The following KIF18A variants were observed in gnomAD, a reference collection of about 807,000 sequenced individuals.
KIF18A encodes kinesin-like protein KIF18A.
A neutral mutation model predicts 103.3 loss-of-function variants in KIF18A; 67 were observed. That is an observed-to-expected ratio of 0.65 (90% confidence interval 0.53 to 0.79). KIF18A has a LOEUF of 0.79. Ranked by LOEUF, KIF18A falls within the 30% of genes least tolerant of loss-of-function variation. The probability of loss-of-function intolerance (pLI) is 0.00; values close to 1 mark genes in which losing one functional copy is unlikely to be tolerated. For missense variants in KIF18A, 1,032 were observed against 1,062.5 expected (o/e 0.97, Z 0.40); for synonymous variants, 367 against 355.5 (o/e 1.03, Z -0.36).
intron 15 of KIF18A, among the ~76,000 whole-genome samples, chr11:28,024,206 A>AAAG (rs2133481765): frequency 6.6e-6 from 1 of 151,442 alleles, no homozygotes; most frequent in East Asian, 1.9e-4. Flanking sequence ...AAAAAAAAAA[A>AAAG]AAAAACTAAG....
In KIF18A at chr11:28,023,742, C is replaced by G; in HGVS notation, c.2613G>C (p.Met871Ile). The change falls in exon 16 of 17, where the codon ATG becomes ATC. Residue 871 changes from methionine (M) to isoleucine (I), a missense_variant and splice_region_variant. Met to Ile is a conservative substitution (Grantham distance 10). Transcript: ENST00000263181. ...ATCAAATTAAAAGCTGAGACATACC[C>G]ATTGTTGGTTTGTTTTCTTGTAAGT... ...EKHLQENKPT[M>I]EHKRNICKIN... The G allele has an allele frequency of 1.3e-6, 2 of 1,546,778 alleles. No individual in the cohort carries two copies. The highest frequency in any genetic ancestry group is 1.8e-6 in the Non-Finnish European group (2 of 1,119,194).
At chr11:28,024,742 C>G (rs888781859) in intron 15 of KIF18A, among the ~76,000 whole-genome samples, 9 of 151,850 alleles carry the variant, frequency 5.9e-5, no homozygotes, top group Non-Finnish European at 1.3e-4. Context: ...TAAAGAGGAT[C>G]AATTTTTAAC....
At chr11:28,096,620 C>T (rs1851378616) in intron 2 of KIF18A, among the ~76,000 whole-genome samples, 1 of 152,024 alleles carries the variant, frequency 6.6e-6, no homozygotes, top group Non-Finnish European at 1.5e-5. Context: ...AAAAGAATAT[C>T]TTCTTAAAAA....
At chr11:28,027,449 G>A (rs1316037231) in intron 15 of KIF18A, among the ~76,000 whole-genome samples, 2 of 150,826 alleles carry the variant, frequency 1.3e-5, no homozygotes, top group Non-Finnish European at 3.0e-5. Context: ...ATGGTTTAAT[G>A]TCTTTTGTTA....
chr11:28,084,731 T>G lies in KIF18A; in HGVS notation c.975A>C (p.Gln325His). 1 of 1,612,116 alleles carries G rather than the reference T, an allele frequency of 6.2e-7. No individual in the cohort carries two copies. Among genetic ancestry groups the G allele is most frequent in the Non-Finnish European group, 8.5e-7 (1 of 1,178,200 alleles). The change falls in exon 7 of 17, where the codon CAA becomes CAC. Residue 325 changes from glutamine to histidine, a missense_variant. Coordinates refer to ENST00000263181, the MANE Select transcript of KIF18A (RefSeq NM_031217.4). ...LLKDSLGGNC[Q>H]TIMIAAVSPS... ...GACTAACAGCAGCTATCATTATAGT[T>G]TGACAGTTTCCTCCAAGAGAATCCT...
At chr11:28,032,980 T>C (rs1187278279) in intron 15 of KIF18A, among the ~76,000 whole-genome samples, 1 of 151,858 alleles carries the variant, frequency 6.6e-6, no homozygotes, top group East Asian at 1.9e-4. Flanking sequence ...AAGGGATTAA[T>C]AACCATAATA....
At chr11:28,052,318 A>G (rs1165879904) in intron 13 of KIF18A, among the ~76,000 whole-genome samples, 1 of 152,054 alleles carries the variant, frequency 6.6e-6, no homozygotes, top group African/African-American at 2.4e-5. Flanking sequence ...AAGACTAATT[A>G]AGTCCTGATA....
At chr11:28,081,773 T>A (rs1427854158) in intron 9 of KIF18A, among the ~76,000 whole-genome samples, 2 of 152,156 alleles carry the variant, frequency 1.3e-5, no homozygotes, top group Non-Finnish European at 2.9e-5. Flanking sequence ...ATAGATACTT[T>A]CTTTCATGGA....
Position 28,059,134 on chromosome 11 carries a change from T to C in KIF18A, c.1740A>G (p.Leu580=), listed in dbSNP as rs1447968136. 1.2e-6 allele frequency: 2 copies of C among 1,613,744 alleles called. No individual in the cohort carries two copies. Among genetic ancestry groups the C allele is most frequent in the Non-Finnish European group, 1.7e-6 (2 of 1,179,806 alleles). Residue 580 remains leucine (L), a synonymous_variant, in exon 13 of 17, where the codon CTA becomes CTG. Coordinates refer to ENST00000263181, the MANE Select transcript of KIF18A (RefSeq NM_031217.4). ...CTTTTAATGTGCAATATTGTTTTCT[T>C]AGGGTTGGAAGTAAAGCATTCAATA... ...EAVLNALLPT[L]RKQYCTLKEA...
chr11:28,054,911 GTCTGTGCAATTA>G (rs1203494268), intron 13 of KIF18A, among the ~76,000 whole-genome samples: 1 of 152,160 alleles, frequency 6.6e-6, no homozygotes, highest in Non-Finnish European at 1.5e-5. Flanking sequence ...GACAAGTATA[GTCTGTGCAATTA>G]TACTGTATGT....
rs1851347041 is a variant in KIF18A at position 28,094,730 on chromosome 11, C to A, written c.396G>T (p.Val132=). The change falls in exon 3 of 17, where the codon GTG becomes GTT. Residue 132 remains valine (V), a synonymous_variant. Coordinates refer to ENST00000263181, the MANE Select transcript of KIF18A (RefSeq NM_031217.4). ...AAAGGTGTAACATTGTTAGATACAT[C>A]ACTCCAGGTTCATCAGCTGATCCTA... ...TMLGSADEPG[V]MYLTMLHLYK... 2 of 1,613,508 alleles carry A rather than the reference C, an allele frequency of 1.2e-6. No individual in the cohort carries two copies. Among genetic ancestry groups the A allele is most frequent in the Non-Finnish European group, 8.5e-7 (1 of 1,179,472 alleles).
Position 28,023,754 on chromosome 11 carries a change from G to C in KIF18A, c.2601C>G (p.Asn867Lys). Reference sequence around the variant, plus strand: ...GCTGAGACATACCCATTGTTGGTTTGTTTTCTTGTAAGTGCTTCTCACTTG... The same window carrying C: ...GCTGAGACATACCCATTGTTGGTTTCTTTTCTTGTAAGTGCTTCTCACTTG... ...DNSSEKHLQE[N>K]KPTMEHKRNI... Residue 867 changes from asparagine to lysine, a missense_variant, in exon 16 of 17, where the codon AAC (asparagine) becomes AAG (lysine). By Grantham distance (94) the Asn-to-Lys change is moderately conservative. Coordinates refer to ENST00000263181, the MANE Select transcript of KIF18A (RefSeq NM_031217.4). The C allele has an allele frequency of 6.2e-7, 1 of 1,603,752 alleles. No individual in the cohort carries two copies. The highest frequency in any genetic ancestry group is 8.5e-7 in the Non-Finnish European group (1 of 1,171,172).
intron 13 of KIF18A, among the ~76,000 whole-genome samples, chr11:28,048,237 C>T (rs563189697): frequency 6.6e-6 from 1 of 152,192 alleles, no homozygotes; most frequent in African/African-American, 2.4e-5. Context: ...AGTATACATA[C>T]TGTTTGATTA....
At position 28,021,506 on chromosome 11, in the gene KIF18A, C is replaced by T. The variant is rs529302059; in HGVS notation, c.2615-224G>A. Among the ~76,000 whole-genome samples, 10 of 152,242 alleles carry T rather than the reference C, an allele frequency of 6.6e-5. No individual in the cohort carries two copies. The South Asian group carries it at 1.9e-3, about 28-fold the overall frequency. ...TTGCAAACTAAAGTTTCAGTGAGTG[C>T]GTGCACATACACAGACATCGGGTGA... On this transcript the variant is annotated intron_variant, in intron 16 of 16. Coordinates refer to ENST00000263181, the MANE Select transcript of KIF18A (RefSeq NM_031217.4).
intron 13 of KIF18A, among the ~76,000 whole-genome samples, chr11:28,049,841 C>T (rs940930265): frequency 2.0e-5 from 3 of 151,832 alleles, no homozygotes; most frequent in African/African-American, 7.2e-5. Flanking sequence ...TTCATAGTTG[C>T]AAATGATACA....
intron 1 of KIF18A, among the ~76,000 whole-genome samples, chr11:28,107,704 C>T (rs2133575571): frequency 6.6e-6 from 1 of 152,304 alleles, no homozygotes; most frequent in Non-Finnish European, 1.5e-5. Flanking sequence ...ACAAAACACT[C>T]CCAATTTGGA....
chr11:28,040,538 G>C (rs555608006), intron 13 of KIF18A, among the ~76,000 whole-genome samples: 2 of 151,878 alleles, frequency 1.3e-5, no homozygotes, highest in African/African-American at 2.4e-5. Context: ...AAAGTTGCAG[G>C]CTGTGCCTTG....
rs1850229627 is a variant in KIF18A, at chr11:28,020,871, C to G, written c.*329G>C. On this transcript the variant is annotated 3_prime_UTR_variant, in exon 17 of 17. Transcript: ENST00000263181. ...TTAAAAAATAATAAAGATAATTTAA[C>G]TCACTACCATTTACTAAAATGTCCT... 1 of 157,188 alleles carries G rather than the reference C, an allele frequency of 6.4e-6. No homozygotes were observed. Among genetic ancestry groups the G allele is most frequent in the Non-Finnish European group, 1.4e-5 (1 of 71,574 alleles). The allele number at this position is 157,188 out of a possible 1,614,324, so 9.7% of individuals were successfully genotyped here. A position where few individuals can be genotyped will look rare whatever the true frequency, so the allele number is the denominator to read the frequency against.
intron 13 of KIF18A, among the ~76,000 whole-genome samples, chr11:28,052,753 T>C (rs1483614124): frequency 1.3e-5 from 2 of 152,136 alleles, no homozygotes; most frequent in Non-Finnish European, 2.9e-5. Flanking sequence ...GTTTCATACT[T>C]TGATCCCTAT....
Sources: allele counts gnomAD v4.1 joint callset (sites outside exome capture counted in the v4.1 genomes callset), GRCh38; gene constraint gnomAD v4.1.1; transcripts MANE v1.5; gene names NCBI Gene and HGNC (gene_info 2026-07-23, HGNC 2026-07-21).